OLFML1: variants seen among roughly 807,000 people sequenced by gnomAD.
The protein encoded by OLFML1 is olfactomedin like 1, also known as olfactomedin-like protein 1.
In OLFML1, 33 loss-of-function variants were observed where a neutral mutation model predicts 37.3. The observed-to-expected ratio is 0.88, with a 90% CI of 0.67 to 1.18. The LOEUF (loss-of-function observed/expected upper bound fraction) is 1.18. OLFML1 is among the 50% of genes most tolerant of loss of function. The probability of loss-of-function intolerance (pLI) is 0.00; values close to 1 mark genes in which losing one functional copy is unlikely to be tolerated. For synonymous variants in OLFML1, 186 were observed against 181.3 expected (o/e 1.03, Z -0.21); for missense variants, 545 against 483.7 (o/e 1.13, Z -1.19).
intron 1 of OLFML1, among the ~76,000 whole-genome samples, chr11:7,487,413 T>G (rs182403322): frequency 3.5e-4 from 53 of 152,388 alleles, no homozygotes; most frequent in African/African-American, 1.1e-3. Flanking sequence ...TATTGTTGTT[T>G]GGAGCATACA....
In OLFML1 at chr11:7,485,766, A is replaced by G. The variant is rs931488746; in HGVS notation, c.-110A>G. 9.5e-6 allele frequency: 11 copies of G among 1,154,386 alleles called. No homozygotes were observed. The highest frequency in any genetic ancestry group is 1.4e-5 in the Non-Finnish European group (11 of 803,878). 71.5% of individuals were successfully genotyped at this position (1,154,386 alleles called of 1,614,324 possible). The stretch of plus-strand genomic sequence containing the variant: ...CTCTGCTGTGCAAAACGCTGTTTTT[A>G]GAGGATTTGCCACAGCAGCGGATAG... On this transcript the variant is annotated 5_prime_UTR_variant, in exon 1 of 3. Coordinates refer to ENST00000329293, the MANE Select transcript of OLFML1 (RefSeq NM_198474.4).
At chr11:7,506,679 G>A (rs746016049) in intron 2 of OLFML1, among the ~76,000 whole-genome samples, 5 of 152,144 alleles carry the variant, frequency 3.3e-5, no homozygotes, top group Admixed American at 6.5e-5. Flanking sequence ...ACTCAACTCC[G>A]GGACAAGGCA....
chr11:7,489,947 C>T (rs1376201459), intron 2 of OLFML1, among the ~76,000 whole-genome samples: 1 of 152,004 alleles, frequency 6.6e-6, no homozygotes, highest in African/African-American at 2.4e-5. Context: ...TTCCTACCTC[C>T]CTATCTGTAA....
rs1848603599 is a variant in OLFML1, at chr11:7,491,975, T to G, written c.418+3560T>G. Among the ~76,000 whole-genome samples, 3 of 152,172 alleles carry G rather than the reference T, an allele frequency of 2.0e-5. No individual in the cohort carries two copies. The South Asian group carries it at 6.2e-4, about 32-fold the overall frequency. ...ATTGATAACTTCAAAATCAACTGATTTGGAAACTTATCTGTATATGCAAAA... is the reference window on the plus strand; with the variant it reads ...ATTGATAACTTCAAAATCAACTGATGTGGAAACTTATCTGTATATGCAAAA... On this transcript the variant is annotated intron_variant, in intron 2 of 2. Transcript: ENST00000329293.
At chr11:7,493,861 A>T (rs1848632266) in intron 2 of OLFML1, among the ~76,000 whole-genome samples, 1 of 152,116 alleles carries the variant, frequency 6.6e-6, no homozygotes, top group Non-Finnish European at 1.5e-5. Context: ...ATATGTTGGC[A>T]TTGTGCCAGG....
In OLFML1 at chr11:7,511,377, A is replaced by C. The variant is rs1241575261; in HGVS notation, c.*1189A>C. On this transcript the variant is annotated 3_prime_UTR_variant, in exon 3 of 3. Transcript: ENST00000329293. Reference sequence around the variant, plus strand: ...TTTGCCCACATACCCTAAGCACAAAAGCTTTCTGGGAGTGCTGCTTGTGTT... The same window carrying C: ...TTTGCCCACATACCCTAAGCACAAACGCTTTCTGGGAGTGCTGCTTGTGTT... 6.6e-6 allele frequency: 1 copy of C among 152,224 alleles called. No individual in the cohort carries two copies. Among genetic ancestry groups the C allele is most frequent in the African/African-American group, 2.4e-5 (1 of 41,452 alleles). 9.4% of individuals were successfully genotyped at this position (152,224 alleles called of 1,614,324 possible).
At chr11:7,498,216 T>C (rs1848684969) in intron 2 of OLFML1, among the ~76,000 whole-genome samples, 1 of 152,120 alleles carries the variant, frequency 6.6e-6, no homozygotes, top group African/African-American at 2.4e-5. Flanking sequence ...CTAGAAGGGG[T>C]TGCACAGAAT....
intron 2 of OLFML1, among the ~76,000 whole-genome samples, chr11:7,502,470 C>A (rs1848734598): frequency 6.6e-6 from 1 of 151,908 alleles, no homozygotes; most frequent in Non-Finnish European, 1.5e-5. Context: ...ATCAGGGAGA[C>A]AAAGTAGAGA....
chr11:7,501,767 C>T (rs1848727549), intron 2 of OLFML1, among the ~76,000 whole-genome samples: 1 of 152,180 alleles, frequency 6.6e-6, no homozygotes, highest in South Asian at 2.1e-4. Flanking sequence ...GATAGGCCTG[C>T]AGTCAGAACT....
Position 7,488,178 on chromosome 11 carries a change from C to T in OLFML1, c.181C>T (p.Gln61Ter). The change falls in exon 2 of 3, where the codon CAA (glutamine) becomes TAA (stop). Residue 61 changes from glutamine (Q) to a stop codon, truncating the protein, a stop_gained. Coordinates refer to ENST00000329293, the MANE Select transcript of OLFML1 (RefSeq NM_198474.4). LOFTEE classifies it high-confidence loss of function. Reference protein sequence around the residue: ...QATRAYIQEFQEFSKNISVML... With the variant: ...QATRAYIQEF ...AACGAGGGCATACATTCAAGAATTC[C>T]AAGAGTTCTCAAAAAATATATCTGT... The T allele has an allele frequency of 1.9e-6, 3 of 1,613,390 alleles. No individual in the cohort carries two copies. The highest frequency in any genetic ancestry group is 2.5e-6 in the Non-Finnish European group (3 of 1,179,640).
At chr11:7,489,732 C>A (rs1312051933) in intron 2 of OLFML1, among the ~76,000 whole-genome samples, 3 of 152,090 alleles carry the variant, frequency 2.0e-5, no homozygotes, top group Non-Finnish European at 4.4e-5. Context: ...GGCTTTCTGA[C>A]TGCTAATTAA....
In OLFML1 at chr11:7,510,124, C is replaced by T. The variant is rs1259996953; in HGVS notation, c.1145C>T (p.Ala382Val). ...AACCCCAGAGATAAGCAGCTCTATG[C>T]CTGGAATGAAGGAAACCAGATCATT... ...HYNPRDKQLY[A>V]WNEGNQIIYK... The change falls in exon 3 of 3, where the codon GCC (alanine) becomes GTC (valine). Residue 382 changes from alanine (A) to valine (V), a missense_variant. Physicochemically the swap from Ala to Val is moderately conservative, Grantham distance 64 (BLOSUM62 0). Coordinates refer to ENST00000329293, the MANE Select transcript of OLFML1 (RefSeq NM_198474.4). The T allele has an allele frequency of 1.2e-6, 2 of 1,613,944 alleles. No individual in the cohort carries two copies. Among genetic ancestry groups the T allele is most frequent in the African/African-American group, 1.3e-5 (1 of 75,038 alleles).
At chr11:7,499,651 G>C (rs1456550454) in intron 2 of OLFML1, among the ~76,000 whole-genome samples, 1 of 152,216 alleles carries the variant, frequency 6.6e-6, no homozygotes, top group East Asian at 1.9e-4. Context: ...CTGACTCCAA[G>C]TGCTGGGTTT....
At chr11:7,498,879 C>A (rs1310632998) in intron 2 of OLFML1, among the ~76,000 whole-genome samples, 1 of 152,148 alleles carries the variant, frequency 6.6e-6, no homozygotes, top group Non-Finnish European at 1.5e-5. Flanking sequence ...GTGACTTCTC[C>A]TTTTCTAGCT....
chr11:7,508,053 T>G (rs1779639708), intron 2 of OLFML1, among the ~76,000 whole-genome samples: 1 of 152,094 alleles, frequency 6.6e-6, no homozygotes, highest in Non-Finnish European at 1.5e-5. Flanking sequence ...GTTCTTAAAA[T>G]AAAGTAAGCT....
At chr11:7,492,939 G>A (rs1848616268) in intron 2 of OLFML1, among the ~76,000 whole-genome samples, 1 of 152,244 alleles carries the variant, frequency 6.6e-6, no homozygotes, top group East Asian at 1.9e-4. Flanking sequence ...CCAAGATTAA[G>A]TGGTGTCTTA....
chr11:7,490,982 T>C (rs1442767463), intron 2 of OLFML1, among the ~76,000 whole-genome samples: 4 of 152,172 alleles, frequency 2.6e-5, no homozygotes, highest in African/African-American at 9.6e-5. Flanking sequence ...ATCTCCTAGC[T>C]TTCTTTTACA....
chr11:7,492,369 A>G (rs1467244613), intron 2 of OLFML1, among the ~76,000 whole-genome samples: 1 of 152,208 alleles, frequency 6.6e-6, no homozygotes, highest in Non-Finnish European at 1.5e-5. Context: ...CAGAGGTCAG[A>G]TCAGAGGGTT....
chr11:7,502,636 T>C (rs974537686), intron 2 of OLFML1, among the ~76,000 whole-genome samples: 7 of 151,980 alleles, frequency 4.6e-5, no homozygotes, highest in African/African-American at 1.7e-4. Flanking sequence ...GGACAGAGTC[T>C]CGCTCTGTAT....
Sources: allele counts gnomAD v4.1 joint callset (sites outside exome capture counted in the v4.1 genomes callset), GRCh38; gene constraint gnomAD v4.1.1; transcripts MANE v1.5; gene names NCBI Gene and HGNC (gene_info 2026-07-23, HGNC 2026-07-21).